The following SHQ1 variants were observed in gnomAD, a reference collection of about 807,000 sequenced individuals.
SHQ1 encodes SHQ1, H/ACA ribonucleoprotein assembly factor.
SHQ1 carries 49 observed loss-of-function variants against 53.8 expected under a neutral mutation model. That is an observed-to-expected ratio of 0.91 (90% CI 0.72 to 1.16). The LOEUF is 1.16. SHQ1 is among the 50% of genes most tolerant of loss of function. The pLI is 0.00. For synonymous variants in SHQ1, 243 were observed against 251.0 expected (o/e 0.97, Z 0.30); for missense variants, 738 against 683.1 (o/e 1.08, Z -0.90).
chr3:72,757,244 G>C (rs989491542), intron 10 of SHQ1, among the ~76,000 whole-genome samples: 19 of 152,190 alleles, frequency 1.2e-4, no homozygotes, highest in Admixed American at 9.8e-4. Flanking sequence ...CAGAGGACAA[G>C]ACTCCAGTGA....
At chr3:72,762,211 G>A (rs548013239) in intron 10 of SHQ1, among the ~76,000 whole-genome samples, 2 of 152,236 alleles carry the variant, frequency 1.3e-5, no homozygotes, top group African/African-American at 2.4e-5. Flanking sequence ...CTATGGCAAC[G>A]CTAAATGCTG....
intron 10 of SHQ1, among the ~76,000 whole-genome samples, chr3:72,775,577 G>C (rs1211209477): frequency 2.0e-5 from 3 of 150,828 alleles, no homozygotes; most frequent in Admixed American, 6.6e-5. Flanking sequence ...TATCAGGAAA[G>C]GACAGTACAA....
chr3:72,783,478 A>G (rs1706133816), intron 10 of SHQ1, among the ~76,000 whole-genome samples: 1 of 150,028 alleles, frequency 6.7e-6, no homozygotes, highest in South Asian at 2.1e-4. Context: ...ACATGCCATC[A>G]TGCCCAGTTT....
intron 9 of SHQ1, among the ~76,000 whole-genome samples, chr3:72,807,037 T>C (rs1257339468): frequency 1.4e-4 from 21 of 152,348 alleles, no homozygotes; most frequent in East Asian, 1.3e-3. Context: ...GACTGGCTCC[T>C]GAGTAGGCAT....
At chr3:72,826,687 C>A (rs915040974) in intron 5 of SHQ1, among the ~76,000 whole-genome samples, 9 of 152,110 alleles carry the variant, frequency 5.9e-5, no homozygotes, top group Non-Finnish European at 1.3e-4. Context: ...AATACCTAAA[C>A]CAATGGTTGA....
chr3:72,822,551 G>A (rs375715297), intron 6 of SHQ1, among the ~76,000 whole-genome samples: 2 of 152,152 alleles, frequency 1.3e-5, no homozygotes, highest in East Asian at 3.9e-4. Context: ...AGGGCAACTA[G>A]CTCACCCTGG....
At chr3:72,816,697 A>G (rs895837378) in intron 7 of SHQ1, among the ~76,000 whole-genome samples, 4 of 152,078 alleles carry the variant, frequency 2.6e-5, no homozygotes, top group South Asian at 4.1e-4. Flanking sequence ...TTTAAATAGC[A>G]AAAAAAGATA....
intron 6 of SHQ1, among the ~76,000 whole-genome samples, chr3:72,823,723 A>G (rs1045160800): frequency 3.3e-5 from 5 of 152,216 alleles, no homozygotes; most frequent in Non-Finnish European, 5.9e-5. Context: ...GTGGGAATAT[A>G]TATTTTTAAA....
chr3:72,746,140 G>A (rs939796098), downstream of SHQ1, among the ~76,000 whole-genome samples: 46 of 152,172 alleles, frequency 3.0e-4, no homozygotes, highest in African/African-American at 1.1e-3. Context: ...ATCGCGCCCA[G>A]CCCCGTTTCT....
At chr3:72,751,504 G>GTATATATATATA (rs1233066493) in intron 10 of SHQ1, among the ~76,000 whole-genome samples, 1 of 118,158 alleles carries the variant, frequency 8.5e-6, no homozygotes, top group African/African-American at 4.3e-5. Context: ...GTGTGTGTGT[G>GTATATATATATA]TGTGTATATA....
At chr3:72,833,111 TG>T (rs1707871546) in intron 4 of SHQ1, among the ~76,000 whole-genome samples, 1 of 152,176 alleles carries the variant, frequency 6.6e-6, no homozygotes, top group African/African-American at 2.4e-5. Flanking sequence ...CAAAAAGTTT[TG>T]GATTTTGGAC....
the SHQ1 span, among the ~76,000 whole-genome samples, chr3:72,726,646 C>T: frequency 4.6e-5 from 7 of 152,176 alleles, no homozygotes; most frequent in South Asian, 2.1e-4. Context: ...GCCACCACGC[C>T]GGGCCACATT....
chr3:72,773,482 T>TAAAAAA (rs1705895966), intron 10 of SHQ1: 1 of 208,984 alleles, frequency 4.8e-6, no homozygotes, highest in Non-Finnish European at 9.6e-6. Context: ...TAAAGACAGC[T>TAAAAAA]TAAAAAAAAA....
Position 72,750,687 on chromosome 3 carries a change from C to T in SHQ1, c.1331G>A (p.Gly444Glu). 6.2e-7 allele frequency: 1 copy of T among 1,603,010 alleles called. No individual in the cohort carries two copies. Among genetic ancestry groups the T allele is most frequent in the Non-Finnish European group, 8.5e-7 (1 of 1,174,086 alleles). Residue 444 changes from glycine to glutamate, a missense_variant, in exon 11 of 11, where the codon GGG (glycine) becomes GAG (glutamate). Coordinates refer to ENST00000325599, the MANE Select transcript of SHQ1 (RefSeq NM_018130.3). Reference protein sequence around the residue: ...TALKAAHSVSGQQTLCSSSEA... With the variant: ...TALKAAHSVSEQQTLCSSSEA... ...AGAGCTGGAGCAAAGTGTCTGCTGC[C>T]CAGAAACTGAATGGGCTGCTTTTAA...
At chr3:72,760,518 C>T (rs1474111595) in intron 10 of SHQ1, among the ~76,000 whole-genome samples, 3 of 152,128 alleles carry the variant, frequency 2.0e-5, no homozygotes, top group Admixed American at 6.5e-5. Context: ...ACTTTATAAA[C>T]GTAGTTGACA....
intron 5 of SHQ1, among the ~76,000 whole-genome samples, chr3:72,825,387 CA>C (rs1559691706): frequency 1.3e-5 from 2 of 151,866 alleles, no homozygotes; most frequent in African/African-American, 2.4e-5. Context: ...CACACACACA[CA>C]CACACACACA....
rs74619434 is a variant in SHQ1 at position 72,826,675 on chromosome 3, A to G, written c.600-2124T>C. Reference sequence around the variant, plus strand: ...ATGACAGGCAAGGACCCTGGAGGATATAATACCTAAACCAATGGTTGAATG... The same window carrying G: ...ATGACAGGCAAGGACCCTGGAGGATGTAATACCTAAACCAATGGTTGAATG... On this transcript the variant is annotated intron_variant, in intron 5 of 10. Transcript: ENST00000325599. Among the ~76,000 whole-genome samples the G allele has an allele frequency of 4.4e-3, 674 of 152,346 alleles. 3 individuals carry two copies. The highest frequency in any genetic ancestry group is 7.5e-3 in the Non-Finnish European group (509 of 68,024).
intron 5 of SHQ1, 36 bp downstream of exon 5, chr3:72,832,333 G>T: frequency 6.8e-7 from 1 of 1,460,852 alleles, no homozygotes; most frequent in Non-Finnish European, 9.6e-7. Flanking sequence ...TAAATGTCAA[G>T]TAAATTATTT....
Position 72,841,176 on chromosome 3 carries a change from C to T in SHQ1, c.355G>A (p.Val119Ile). The T allele has an allele frequency of 6.2e-7, 1 of 1,612,942 alleles. No homozygotes were observed. Among genetic ancestry groups the T allele is most frequent in the Non-Finnish European group, 8.5e-7 (1 of 1,179,708 alleles). ...CAATCAAACTCTTCATCGTCAACTA[C>T]TTCCTCAGGAATCTCAGAAGCACCT... ...EIGASEIPEE[V>I]VDDEEFDWEI... The change falls in exon 4 of 11, where the codon GTA becomes ATA. Residue 119 changes from valine (V) to isoleucine (I), a missense_variant. Physicochemically the swap from Val to Ile is conservative, Grantham distance 29 (BLOSUM62 3). Transcript: ENST00000325599.
Sources: allele counts gnomAD v4.1 joint callset (sites outside exome capture counted in the v4.1 genomes callset), GRCh38; gene constraint gnomAD v4.1.1; transcripts MANE v1.5; gene names NCBI Gene and HGNC (gene_info 2026-07-23, HGNC 2026-07-21).